Variants in THAP6 observed in about 807,000 individuals in gnomAD.
THAP6 encodes THAP domain-containing protein 6.
In THAP6, 13 loss-of-function variants were observed where a neutral mutation model predicts 20.0. The ratio of observed to expected loss-of-function variants is 0.65; its 90% CI spans 0.42 to 1.03. The LOEUF (loss-of-function observed/expected upper bound fraction) is 1.03. Ranked by LOEUF, THAP6 falls within the 50% of genes least tolerant of loss-of-function variation. The pLI is 0.00. For synonymous variants in THAP6, 93 were observed against 92.2 expected, an observed-to-expected ratio of 1.01 and a Z score of -0.05; for missense variants, 262 against 261.6, an observed-to-expected ratio of 1.00 and a Z score of -0.01.
downstream of THAP6, among the ~76,000 whole-genome samples, chr4:75,533,303 C>A (rs911484393): frequency 6.6e-6 from 1 of 152,162 alleles, no homozygotes; most frequent in African/African-American, 2.4e-5. Flanking sequence ...GCTCCAGTTC[C>A]CAACAAGTTC....
At position 75,527,573 on chromosome 4, in the gene THAP6, G is replaced by A. The variant is rs1726461229; in HGVS notation, c.*359G>A. ...TCTCCAGATATTTGGCTTCAAAGGA[G>A]TACCTTTACTTACATGTGCTTTATG... On this transcript the variant is annotated 3_prime_UTR_variant, in exon 5 of 5. Coordinates refer to ENST00000311638, the MANE Select transcript of THAP6 (RefSeq NM_144721.6). The A allele has an allele frequency of 2.9e-6, 3 of 1,044,462 alleles. No individual in the cohort carries two copies. Among genetic ancestry groups the A allele is most frequent in the Middle Eastern group, 4.7e-4 (1 of 2,116 alleles). 64.7% of individuals were successfully genotyped at this position (1,044,462 alleles called of 1,614,324 possible).
intron 4 of THAP6, among the ~76,000 whole-genome samples, chr4:75,523,431 C>T (rs557586437): frequency 1.8e-4 from 28 of 152,246 alleles, no homozygotes; most frequent in African/African-American, 6.3e-4. Context: ...GTTTCCTTTG[C>T]TGTGCAGAAG....
In THAP6 at chr4:75,527,238, C is replaced by G; in HGVS notation, c.*24C>G. 4 of 1,585,376 alleles carry G rather than the reference C, an allele frequency of 2.5e-6. No homozygotes were observed. In the South Asian group the frequency reaches 4.5e-5, roughly 18 times the overall value. ...GAAATAATTTCATGTTACGTTCCAC[C>G]TAAAATTGTCATTGGTACAAATTTT... is the stretch of plus-strand genomic sequence containing the variant. On this transcript the variant is annotated 3_prime_UTR_variant, in exon 5 of 5. Transcript: ENST00000311638.
chr4:75,531,918 T>A (rs774237949), downstream of THAP6, among the ~76,000 whole-genome samples: 53 of 151,860 alleles, frequency 3.5e-4, no homozygotes, highest in Non-Finnish European at 6.9e-4. Flanking sequence ...CCACAACACA[T>A]GGGAATTATG....
Position 75,529,495 on chromosome 4 carries a change from C to G in THAP6, c.*2281C>G. The G allele has an allele frequency of 1.0e-6, 1 of 985,420 alleles. No individual in the cohort carries two copies. Among genetic ancestry groups the G allele is most frequent in the Non-Finnish European group, 1.2e-6 (1 of 829,930 alleles). The allele number at this position is 985,420 out of a possible 1,614,324, so 61.0% of individuals were successfully genotyped here. On this transcript the variant is annotated 3_prime_UTR_variant, in exon 5 of 5. Coordinates refer to ENST00000311638, the MANE Select transcript of THAP6 (RefSeq NM_144721.6). The stretch of plus-strand genomic sequence containing the variant: ...AAGGACCCAGAGCTGCCCATTTTCT[C>G]TTTGTTCTAATAGGGAAGCAATTAC...
At chr4:75,543,609 A>G (rs1386498728) in intron 3 of THAP6, among the ~76,000 whole-genome samples, 1 of 152,258 alleles carries the variant, frequency 6.6e-6, no homozygotes, top group Admixed American at 6.5e-5. Context: ...TAGGAATGCT[A>G]TGCTATGATT....
At chr4:75,540,657 A>C (rs1726977021) in intron 2 of THAP6, among the ~76,000 whole-genome samples, 1 of 152,242 alleles carries the variant, frequency 6.6e-6, no homozygotes. Context: ...GCTATGCAGG[A>C]TGCTAACCAC....
In THAP6 at chr4:75,527,968, CTA is replaced by C; in HGVS notation, c.*756_*757del. On this transcript the variant is annotated 3_prime_UTR_variant, in exon 5 of 5. Coordinates refer to ENST00000311638, the MANE Select transcript of THAP6 (RefSeq NM_144721.6). ...CAGATCTGAACACTTTGCTTCATGA[CTA>C]TTTCGTCATAAAGGTATATGTTTAA... 1.0e-6 allele frequency: 1 copy of C among 985,332 alleles called. No individual in the cohort carries two copies. Among genetic ancestry groups the C allele is most frequent in the Non-Finnish European group, 1.2e-6 (1 of 829,866 alleles). 61.0% of individuals were successfully genotyped at this position (985,332 alleles called of 1,614,324 possible). A position where few individuals can be genotyped will look rare whatever the true frequency, so the allele number is the denominator to read the frequency against.
At chr4:75,530,094 G>A (rs544428246), downstream of THAP6, 110 of 984,638 alleles carry the variant, frequency 1.1e-4, 2 homozygotes, top group Middle Eastern at 1.6e-3. Flanking sequence ...GAGTACGTAC[G>A]TAGAGGTTTT....
intron 2 of THAP6, among the ~76,000 whole-genome samples, chr4:75,537,455 C>T (rs1316045935): frequency 6.6e-6 from 1 of 151,864 alleles, no homozygotes; most frequent in African/African-American, 2.4e-5. Context: ...AAGGGGAAAC[C>T]CATTTTGCTT....
intron 2 of THAP6, among the ~76,000 whole-genome samples, chr4:75,538,384 G>GAA (rs36044352): frequency 4.3e-5 from 6 of 140,730 alleles, no homozygotes; most frequent in African/African-American, 5.2e-5. Flanking sequence ...TCAGTATTGT[G>GAA]AAAAAAAAAA....
chr4:75,542,796 T>G (rs1471264106), intron 3 of THAP6: 1 of 227,762 alleles, frequency 4.4e-6, no homozygotes, highest in Non-Finnish European at 8.6e-6. Flanking sequence ...GAATTGTTGC[T>G]GAACATTCAC....
rs761916353 is a variant in THAP6 at position 75,521,743 on chromosome 4, GAGAAAAACTTCATTGT to G, written c.304_319del (p.Leu102ThrfsTer38). 7.7e-5 allele frequency: 124 copies of G among 1,610,450 alleles called. No homozygotes were observed. Among genetic ancestry groups the G allele is most frequent in the Non-Finnish European group, 5.0e-5 (59 of 1,178,236 alleles). The stretch of plus-strand genomic sequence containing the variant: ...ATTAACTACTCTTAACAGGGGAAAA[GAGAAAAACTTCATTGT>G]AGAAAAAACTTCACCCTCAAAACCG... On this transcript the variant is annotated frameshift_variant, in exon 4 of 5. Transcript: ENST00000311638. LOFTEE classifies it high-confidence loss of function.
In THAP6 at chr4:75,516,940, A is replaced by G. The variant is rs760310054; in HGVS notation, c.249A>G (p.Gly83=). 6.2e-6 allele frequency: 10 copies of G among 1,612,950 alleles called. No individual in the cohort carries two copies. Among genetic ancestry groups the G allele is most frequent in the Non-Finnish European group, 8.5e-6 (10 of 1,179,750 alleles). The change falls in exon 3 of 5, where the codon GGA becomes GGG. Residue 83 remains glycine, a synonymous_variant. Transcript: ENST00000311638. ...CTCCAAATATTAAACTGAAACCTGG[A>G]GTCATACCTTCTATCTTTGATTCTC... ...RSAPNIKLKP[G]VIPSIFDSPY... is the part of the protein sequence containing the mutation.
chr4:75,545,291 C>G (rs962467817), intron 3 of THAP6, among the ~76,000 whole-genome samples: 5 of 152,168 alleles, frequency 3.3e-5, no homozygotes, highest in African/African-American at 1.2e-4. Flanking sequence ...AATGCAGGCT[C>G]TTGTTGACGT....
rs1726539523 is a variant in THAP6 at position 75,528,791 on chromosome 4, G to A, written c.*1577G>A. On this transcript the variant is annotated 3_prime_UTR_variant, in exon 5 of 5. Transcript: ENST00000311638. ...AAAGGCCGGGTGGTGGCTCATACCT[G>A]TAATCCTAGCACTTTGGGAGGCCAA... 7 of 981,672 alleles carry A rather than the reference G, an allele frequency of 7.1e-6. No homozygotes were observed. The highest frequency in any genetic ancestry group is 5.3e-5 in the African/African-American group (3 of 56,538). The allele number at this position is 981,672 out of a possible 1,614,324, so 60.8% of individuals were successfully genotyped here. A position where few individuals can be genotyped will look rare whatever the true frequency, so the allele number is the denominator to read the frequency against.
At position 75,528,334 on chromosome 4, in the gene THAP6, G is replaced by GAA; in HGVS notation, c.*1123_*1124dup. The GAA allele has an allele frequency of 1.0e-6, 1 of 985,236 alleles. No individual in the cohort carries two copies. The highest frequency in any genetic ancestry group is 4.7e-5 in the South Asian group (1 of 21,274). 61.0% of individuals were successfully genotyped at this position (985,236 alleles called of 1,614,324 possible). A position where few individuals can be genotyped will look rare whatever the true frequency, so the allele number is the denominator to read the frequency against. ...TTAGCTTTTGTCATAATTCCTTACC[G>GAA]AAAACAACTGAAATTGAGAGTCATA... On this transcript the variant is annotated 3_prime_UTR_variant, in exon 5 of 5. Coordinates refer to ENST00000311638, the MANE Select transcript of THAP6 (RefSeq NM_144721.6).
downstream of THAP6, among the ~76,000 whole-genome samples, chr4:75,533,748 T>G (rs961760718): frequency 1.3e-5 from 2 of 151,888 alleles, no homozygotes; most frequent in Admixed American, 6.5e-5. Flanking sequence ...TGTTGTTGTT[T>G]TTTTCCTTTT....
intron 4 of THAP6, among the ~76,000 whole-genome samples, chr4:75,526,468 AGAG>A (rs1253662020): frequency 6.6e-6 from 1 of 152,216 alleles, no homozygotes; most frequent in African/African-American, 2.4e-5. Context: ...ATAAACACCA[AGAG>A]GAGTTGTCTC....
Sources: gnomAD v4.1 joint callset for allele counts (sites outside exome capture counted in the v4.1 genomes callset) on GRCh38, gnomAD v4.1.1 for gene constraint, MANE v1.5 for transcripts, NCBI Gene and HGNC (gene_info 2026-07-23, HGNC 2026-07-21) for gene names.